STK32B: variants seen among roughly 807,000 people sequenced by gnomAD.
STK32B encodes the protein serine/threonine kinase 32B, also known as serine/threonine-protein kinase 32B.
In STK32B, 43 loss-of-function variants were observed where a neutral mutation model predicts 52.6. The ratio of observed to expected loss-of-function variants is 0.82; its 90% CI spans 0.64 to 1.05. The LOEUF (loss-of-function observed/expected upper bound fraction) is 1.05, where lower values mean the gene tolerates loss of function less well. Ranked by LOEUF, STK32B falls within the 50% of genes least tolerant of loss-of-function variation. The pLI is 0.00. For missense variants in STK32B, 621 were observed against 534.6 expected, an observed-to-expected ratio of 1.16 and a Z score of -1.59; for synonymous variants, 238 against 204.3, an observed-to-expected ratio of 1.17 and a Z score of -1.41.
At chr4:5,035,815 G>T in the STK32B span, among the ~76,000 whole-genome samples, 2 of 146,520 alleles carry the variant, frequency 1.4e-5, no homozygotes, top group Non-Finnish European at 3.0e-5. Flanking sequence ...ACGAAGTCTC[G>T]CTGTCACCCA....
At chr4:5,479,350 C>A (rs539399581) in intron 11 of STK32B, among the ~76,000 whole-genome samples, 116 of 152,174 alleles carry the variant, frequency 7.6e-4, no homozygotes, top group African/African-American at 2.6e-3. Context: ...AATTCCCGAC[C>A]TCAGGTGATC....
Position 5,417,613 on chromosome 4 carries a change from C to G in STK32B, c.562+679C>G, listed in dbSNP as rs76171655. Among the ~76,000 whole-genome samples, 1,105 of 152,272 alleles carry G rather than the reference C, an allele frequency of 7.3e-3. 7 individuals are homozygous for G. Among genetic ancestry groups the G allele is most frequent in the African/African-American group, 0.025 (1,023 of 41,544 alleles). On this transcript the variant is annotated intron_variant, in intron 6 of 11. Transcript: ENST00000282908. ...AATCATTTTCCCTTTATTTCTTTCT[C>G]CCTAAGTTCTCCCACCTGATTTCTG...
At chr4:5,182,096 T>G (rs1039448360) in intron 3 of STK32B, among the ~76,000 whole-genome samples, 1 of 152,244 alleles carries the variant, frequency 6.6e-6, no homozygotes, top group African/African-American at 2.4e-5. Flanking sequence ...CTTCAGAAAC[T>G]ACTTTCTTTG....
At chr4:5,163,613 G>A (rs1718632447) in intron 2 of STK32B, among the ~76,000 whole-genome samples, 2 of 148,610 alleles carry the variant, frequency 1.3e-5, no homozygotes, top group African/African-American at 2.5e-5. Flanking sequence ...GAGGGGACAA[G>A]GTCTTTGAAT....
chr4:5,241,848 T>C (rs942331261), intron 3 of STK32B, among the ~76,000 whole-genome samples: 2 of 152,296 alleles, frequency 1.3e-5, no homozygotes, highest in South Asian at 2.1e-4. Context: ...GTCCTCGCGA[T>C]AGTTTGCTGA....
intron 2 of STK32B, chr4:5,140,217 C>T (rs1716329827): frequency 1.3e-6 from 2 of 1,483,180 alleles, no homozygotes; most frequent in Admixed American, 2.0e-5. Context: ...GCCGTTTGTT[C>T]CTTGAGAATC....
chr4:5,456,973 A>G (rs1039279174), intron 8 of STK32B, 50 bp downstream of exon 8: 46 of 1,344,304 alleles, frequency 3.4e-5, no homozygotes, highest in Non-Finnish European at 4.6e-5. Flanking sequence ...CGGTGAGTGT[A>G]GAAACAGCCA....
At chr4:5,070,957 ACCT>A (rs1449652621) in intron 1 of STK32B, among the ~76,000 whole-genome samples, 1 of 152,078 alleles carries the variant, frequency 6.6e-6, no homozygotes, top group Admixed American at 6.6e-5. Context: ...TGAGCGTATA[ACCT>A]CTGCTCCTGT....
chr4:5,196,005 C>T (rs889585241), intron 3 of STK32B, among the ~76,000 whole-genome samples: 1 of 152,202 alleles, frequency 6.6e-6, no homozygotes, highest in Non-Finnish European at 1.5e-5. Flanking sequence ...ACACTGTTAC[C>T]TGCCAAAGTT....
At chr4:5,476,309 G>A (rs925528155) in intron 11 of STK32B, among the ~76,000 whole-genome samples, 1 of 152,160 alleles carries the variant, frequency 6.6e-6, no homozygotes, top group African/African-American at 2.4e-5. Flanking sequence ...AGGTCTGAGG[G>A]ATTCTCAAGC....
At chr4:5,082,725 C>G (rs796862440) in intron 1 of STK32B, among the ~76,000 whole-genome samples, 2 of 129,408 alleles carry the variant, frequency 1.5e-5, no homozygotes. Flanking sequence ...AGTACATGTT[C>G]GTAGTAAAAA....
At chr4:5,220,432 G>A (rs990242990) in intron 3 of STK32B, among the ~76,000 whole-genome samples, 1 of 152,218 alleles carries the variant, frequency 6.6e-6, no homozygotes, top group African/African-American at 2.4e-5. Context: ...CCAGCATGAA[G>A]AGTTCAGATA....
At chr4:5,328,757 G>T (rs1461979595) in intron 3 of STK32B, among the ~76,000 whole-genome samples, 1 of 152,192 alleles carries the variant, frequency 6.6e-6, no homozygotes, top group Non-Finnish European at 1.5e-5. Flanking sequence ...CTTACTGGAG[G>T]CAGGGTTGCC....
chr4:5,452,052 C>T (rs113050977), intron 7 of STK32B, among the ~76,000 whole-genome samples: 1,791 of 152,314 alleles, frequency 0.012, 18 homozygotes, highest in Non-Finnish European at 0.016. Context: ...TACCTGTTTG[C>T]TGACCATTAG....
At chr4:5,409,285 A>G (rs1298843652) in intron 5 of STK32B, among the ~76,000 whole-genome samples, 9 of 152,098 alleles carry the variant, frequency 5.9e-5, no homozygotes, top group African/African-American at 2.2e-4. Context: ...GTGGGAGAGG[A>G]TGCTAAGTGT....
intron 4 of STK32B, among the ~76,000 whole-genome samples, chr4:5,379,447 C>T (rs558733265): frequency 1.1e-4 from 16 of 152,272 alleles, no homozygotes; most frequent in Admixed American, 2.0e-4. Context: ...TGGTACCCTA[C>T]GGTCCATGGG....
intron 3 of STK32B, among the ~76,000 whole-genome samples, chr4:5,264,090 T>G (rs1726898882): frequency 6.6e-6 from 1 of 152,206 alleles, no homozygotes; most frequent in Non-Finnish European, 1.5e-5. Flanking sequence ...TGTTTTGGGT[T>G]TGTACTATTA....
intron 3 of STK32B, among the ~76,000 whole-genome samples, chr4:5,243,857 T>C (rs1208093883): frequency 6.6e-6 from 1 of 152,182 alleles, no homozygotes; most frequent in Non-Finnish European, 1.5e-5. Flanking sequence ...TTGTCTTTGG[T>C]TCTGTTTATA....
At chr4:5,463,990 C>T (rs1027235082) in intron 9 of STK32B, among the ~76,000 whole-genome samples, 4 of 152,178 alleles carry the variant, frequency 2.6e-5, no homozygotes, top group Admixed American at 2.6e-4. Flanking sequence ...GCGGGCTGTA[C>T]AGGAAGCATG....
Sources: allele counts gnomAD v4.1 joint callset (sites outside exome capture counted in the v4.1 genomes callset), GRCh38; gene constraint gnomAD v4.1.1; transcripts MANE v1.5; gene names NCBI Gene and HGNC (gene_info 2026-07-23, HGNC 2026-07-21).